Variants in DNER observed in about 807,000 individuals in gnomAD.
The protein encoded by DNER is delta/notch like EGF repeat containing.
A neutral mutation model predicts 78.2 loss-of-function variants in DNER; 33 were observed. The observed-to-expected ratio is 0.42, with a 90% confidence interval of 0.32 to 0.56. The LOEUF is 0.56. Among genes scored for constraint, DNER ranks in the 20% least tolerant of loss-of-function variants. DNER has a pLI of 0.11. For synonymous variants in DNER, 417 were observed against 384.8 expected, an observed-to-expected ratio of 1.08 and a Z score of -0.98; for missense variants, 918 against 975.3, an observed-to-expected ratio of 0.94 and a Z score of 0.78.
chr2:229,372,962 G>A (rs978622907), intron 11 of DNER, among the ~76,000 whole-genome samples: 5 of 152,080 alleles, frequency 3.3e-5, no homozygotes, highest in African/African-American at 4.8e-5. Flanking sequence ...CGAGTGAGAC[G>A]ACCAGATTTG....
intron 11 of DNER, among the ~76,000 whole-genome samples, chr2:229,368,611 T>C (rs1310489878): frequency 6.6e-6 from 1 of 152,230 alleles, no homozygotes; most frequent in African/African-American, 2.4e-5. Context: ...TATATACACA[T>C]TGAAAAGGTC....
chr2:229,682,190 T>G (rs1335666380), intron 1 of DNER, among the ~76,000 whole-genome samples: 1 of 152,208 alleles, frequency 6.6e-6, no homozygotes, highest in Admixed American at 6.5e-5. Context: ...TGAAAACTAG[T>G]TCACAAATTT....
chr2:229,416,711 A>C (rs1693660149), intron 9 of DNER, among the ~76,000 whole-genome samples: 1 of 152,096 alleles, frequency 6.6e-6, no homozygotes, highest in Non-Finnish European at 1.5e-5. Flanking sequence ...TGGAGCCCTC[A>C]TCCCCTGTTC....
chr2:229,420,433 C>G (rs1482223935), intron 8 of DNER, among the ~76,000 whole-genome samples: 1 of 152,196 alleles, frequency 6.6e-6, no homozygotes, highest in Non-Finnish European at 1.5e-5. Context: ...GTTTGAAGCA[C>G]CACTTGTATA....
chr2:229,679,102 GT>G (rs1489675719), intron 1 of DNER, among the ~76,000 whole-genome samples: 1 of 152,166 alleles, frequency 6.6e-6, no homozygotes, highest in Non-Finnish European at 1.5e-5. Context: ...TGTAGACAGA[GT>G]TATACCATTG....
At chr2:229,691,872 A>C (rs1329761892) in intron 1 of DNER, among the ~76,000 whole-genome samples, 1 of 152,206 alleles carries the variant, frequency 6.6e-6, no homozygotes, top group African/African-American at 2.4e-5. Flanking sequence ...ACGTGACCCA[A>C]GTCAGTCCAA....
At chr2:229,429,499 G>A (rs535555483) in intron 8 of DNER, among the ~76,000 whole-genome samples, 114 of 152,324 alleles carry the variant, frequency 7.5e-4, no homozygotes, top group Middle Eastern at 3.4e-3. Context: ...AATGCCTGGC[G>A]TAAGCACATC....
chr2:229,508,647 C>T (rs1243833303), intron 6 of DNER, among the ~76,000 whole-genome samples: 5 of 151,978 alleles, frequency 3.3e-5, no homozygotes, highest in Non-Finnish European at 1.5e-5. Context: ...TTTGGGAGGC[C>T]GAGACGGGCA....
intron 4 of DNER, among the ~76,000 whole-genome samples, chr2:229,553,766 C>T (rs892359751): frequency 1.3e-5 from 2 of 152,150 alleles, no homozygotes; most frequent in Non-Finnish European, 2.9e-5. Context: ...TAGAAAACTG[C>T]CAACGATAAC....
chr2:229,637,545 C>T (rs1416841467), intron 1 of DNER, among the ~76,000 whole-genome samples: 2 of 152,194 alleles, frequency 1.3e-5, no homozygotes, highest in Non-Finnish European at 2.9e-5. Flanking sequence ...TGCAGTTTAT[C>T]ATCCACACTC....
At position 229,547,090 on chromosome 2, in the gene DNER, A is replaced by C; in HGVS notation, c.850T>G (p.Phe284Val). Residue 284 changes from phenylalanine to valine, a missense_variant and splice_region_variant, in exon 5 of 13, where the codon TTT becomes GTT. Coordinates refer to ENST00000341772, the MANE Select transcript of DNER (RefSeq NM_139072.4). ...GACTTAGTCACAGAATCATTCACAA[A>C]ACCTAAAAGAAAATGAGGCAAAAGG... ...LALGNNHFIG[F>V]VNDSVTKSIV... is the part of the protein sequence containing the mutation. 1 of 1,613,938 alleles carries C rather than the reference A, an allele frequency of 6.2e-7. No homozygotes were observed. The highest frequency in any genetic ancestry group is 1.3e-5 in the African/African-American group (1 of 75,040).
intron 7 of DNER, among the ~76,000 whole-genome samples, chr2:229,450,175 C>T (rs1694426119): frequency 6.6e-6 from 1 of 152,172 alleles, no homozygotes; most frequent in African/African-American, 2.4e-5. Context: ...GAACTGTCAA[C>T]TCTGTCAACT....
chr2:229,588,392 A>T lies in DNER; in HGVS notation c.680+2T>A. 1 of 1,612,866 alleles carries T rather than the reference A, an allele frequency of 6.2e-7. No homozygotes were observed. The highest frequency in any genetic ancestry group is 8.5e-7 in the Non-Finnish European group (1 of 1,179,324). ...ACAGTTTGTAACTCAGAATTTTCTT[A>T]CTTGACTGAGGTGTTCTGTGGCACT... On this transcript the variant is annotated splice_donor_variant, in intron 3 of 12. Coordinates refer to ENST00000341772, the MANE Select transcript of DNER (RefSeq NM_139072.4). LOFTEE classifies it high-confidence loss of function.
At chr2:229,524,326 G>A (rs1049669732) in intron 5 of DNER, among the ~76,000 whole-genome samples, 6 of 152,134 alleles carry the variant, frequency 3.9e-5, no homozygotes, top group South Asian at 2.1e-4. Context: ...CCTCACTTCC[G>A]TAATAGGAGA....
chr2:229,403,355 G>A (rs1693309425), intron 10 of DNER, among the ~76,000 whole-genome samples: 1 of 152,158 alleles, frequency 6.6e-6, no homozygotes, highest in Non-Finnish European at 1.5e-5. Flanking sequence ...ATGGTTCTAT[G>A]ATCAAATAGA....
intron 1 of DNER, among the ~76,000 whole-genome samples, chr2:229,698,514 G>A (rs1221354894): frequency 2.0e-5 from 3 of 152,194 alleles, no homozygotes; most frequent in African/African-American, 7.2e-5. Context: ...TCCGGGGAAA[G>A]CAAGGGAAGC....
In DNER at chr2:229,510,348, C is replaced by T. The variant is rs368693295; in HGVS notation, c.1147+2435G>A. Among the ~76,000 whole-genome samples the T allele has an allele frequency of 8.5e-5, 13 of 152,304 alleles. No homozygotes were observed. In the East Asian group the frequency reaches 9.7e-4, roughly 11 times the overall value. Reference sequence around the variant, plus strand: ...GCAGCCACGTGGAGAATGGAGGGTCCGGGCATGGATGAGGCAAAGGCCGAT... The same window carrying T: ...GCAGCCACGTGGAGAATGGAGGGTCTGGGCATGGATGAGGCAAAGGCCGAT... On this transcript the variant is annotated intron_variant, in intron 6 of 12. Transcript: ENST00000341772.
intron 9 of DNER, among the ~76,000 whole-genome samples, chr2:229,410,291 T>C (rs559267222): frequency 1.3e-5 from 2 of 152,208 alleles, no homozygotes; most frequent in African/African-American, 2.4e-5. Flanking sequence ...TCATAACTTA[T>C]CTGCTCTCCT....
At chr2:229,377,240 A>C (rs1692624788) in intron 11 of DNER, among the ~76,000 whole-genome samples, 1 of 152,206 alleles carries the variant, frequency 6.6e-6, no homozygotes, top group African/African-American at 2.4e-5. Flanking sequence ...CTATTTCTCA[A>C]CTGCAAAATA....
Sources: gnomAD v4.1 joint callset for allele counts (sites outside exome capture counted in the v4.1 genomes callset) on GRCh38, gnomAD v4.1.1 for gene constraint, MANE v1.5 for transcripts, NCBI Gene and HGNC (gene_info 2026-07-23, HGNC 2026-07-21) for gene names.